Variants in NLRP4 observed in about 807,000 individuals in gnomAD.
The protein encoded by NLRP4 is NLR family pyrin domain containing 4.
Under a neutral mutation model 84.7 loss-of-function variants are expected in NLRP4, and 44 were observed. That is an observed-to-expected ratio of 0.52 (90% CI 0.41 to 0.67). The LOEUF (loss-of-function observed/expected upper bound fraction) is 0.67. Ranked by LOEUF, NLRP4 falls within the 30% of genes least tolerant of loss-of-function variation. NLRP4 has a pLI of 0.00. For missense variants in NLRP4, 1,260 were observed against 1,219.4 expected, an observed-to-expected ratio of 1.03 and a Z score of -0.50; for synonymous variants, 544 against 476.4, an observed-to-expected ratio of 1.14 and a Z score of -1.85.
intron 6 of NLRP4, among the ~76,000 whole-genome samples, chr19:55,868,953 C>T (rs76755085): frequency 0.032 from 4,924 of 152,138 alleles, 184 homozygotes; most frequent in Middle Eastern, 0.12. Flanking sequence ...GGGACAGGGA[C>T]AGGACTTAAC....
At chr19:55,860,438 G>A (rs186835952) in intron 3 of NLRP4, among the ~76,000 whole-genome samples, 61 of 152,196 alleles carry the variant, frequency 4.0e-4, no homozygotes, top group Admixed American at 3.3e-3. Context: ...TTAGCCAGGT[G>A]TGGTGGCATG....
chr19:55,836,967 C>T (rs1377985586), intron 1 of NLRP4, 33 bp downstream of exon 1: 1 of 152,180 alleles, frequency 6.6e-6, no homozygotes, highest in African/African-American at 2.4e-5. Flanking sequence ...AAAGGTGGGA[C>T]CCAAGCCCTC....
intron 8 of NLRP4, among the ~76,000 whole-genome samples, chr19:55,878,326 A>C (rs1477224329): frequency 6.6e-6 from 1 of 152,164 alleles, no homozygotes; most frequent in South Asian, 2.1e-4. Flanking sequence ...AGGCTGAGGC[A>C]GGAAAATTGC....
In NLRP4 at chr19:55,856,331, G is replaced by C. The variant is rs373190094; in HGVS notation, c.281-1343G>C. On this transcript the variant is annotated intron_variant, in intron 2 of 9. Coordinates refer to ENST00000301295, the MANE Select transcript of NLRP4 (RefSeq NM_134444.5). Reference sequence around the variant, plus strand: ...TGGAGACAAGCCTTCTGTTACAGAAGAGTCCAGCGTCTGTGTGTTCATGGA... The same window carrying C: ...TGGAGACAAGCCTTCTGTTACAGAACAGTCCAGCGTCTGTGTGTTCATGGA... Among the ~76,000 whole-genome samples the C allele has an allele frequency of 1.1e-4, 16 of 152,118 alleles. 1 individual carries two copies. In the South Asian group the frequency reaches 3.3e-3, roughly 32 times the overall value.
chr19:55,856,567 G>C (rs1984426982), intron 2 of NLRP4, among the ~76,000 whole-genome samples: 1 of 138,466 alleles, frequency 7.2e-6, no homozygotes, highest in Non-Finnish European at 1.5e-5. Flanking sequence ...CCACGTTAGA[G>C]TACAGCAGTG....
At chr19:55,849,151 A>T (rs541854786) in intron 1 of NLRP4, among the ~76,000 whole-genome samples, 1 of 152,294 alleles carries the variant, frequency 6.6e-6, no homozygotes, top group East Asian at 1.9e-4. Flanking sequence ...AAGGGGAAGA[A>T]TCCATCCATC....
chr19:55,873,547 G>A (rs1985266331), intron 7 of NLRP4, among the ~76,000 whole-genome samples: 1 of 152,072 alleles, frequency 6.6e-6, no homozygotes, highest in African/African-American at 2.4e-5. Flanking sequence ...ATTAAAACGT[G>A]AGGTTGTGGT....
Position 55,870,827 on chromosome 19 carries a change from G to A in NLRP4, c.2355G>A (p.Met785Ile), listed in dbSNP as rs888703763. The A allele has an allele frequency of 1.2e-6, 2 of 1,612,740 alleles. No homozygotes were observed. The highest frequency in any genetic ancestry group is 2.2e-5 in the East Asian group (1 of 44,864). The change falls in exon 7 of 10, where the codon ATG becomes ATA. Residue 785 changes from methionine (M) to isoleucine (I), a missense_variant and splice_region_variant. This residue lies in a region of NLRP4 where 544 missense variants were observed against 531.7 expected (regional missense o/e 1.02). Transcript: ENST00000301295. ...CSPDTVLVYL[M>I]LAFCHLSEQC... ...CCTTCTCGTGTTTTTGTCCCCATAGGTTGGCTTTCTGCCACCTCAGCGAGC... is the reference window on the plus strand; with the variant it reads ...CCTTCTCGTGTTTTTGTCCCCATAGATTGGCTTTCTGCCACCTCAGCGAGC...
chr19:55,839,702 T>C (rs1189208670), intron 1 of NLRP4, among the ~76,000 whole-genome samples: 1 of 152,196 alleles, frequency 6.6e-6, no homozygotes, highest in Non-Finnish European at 1.5e-5. Context: ...GGTTATCCAG[T>C]TTGTATTTTC....
intron 1 of NLRP4, among the ~76,000 whole-genome samples, chr19:55,844,277 CCTTT>C (rs1363590340): frequency 6.6e-6 from 1 of 151,804 alleles, no homozygotes. Flanking sequence ...CAGATTTTCC[CCTTT>C]CTTTTTTCTT....
At position 55,858,642 on chromosome 19, in the gene NLRP4, G is replaced by A. The variant is rs1984571857; in HGVS notation, c.1249G>A (p.Asp417Asn). Residue 417 changes from aspartate to asparagine, a missense_variant, in exon 3 of 10, where the codon GAC (aspartate) becomes AAC (asparagine). Physicochemically the swap from Asp to Asn is conservative, Grantham distance 23 (BLOSUM62 1). This residue lies in a region of NLRP4 where 712 missense variants were observed against 669.2 expected (regional missense o/e 1.06). Coordinates refer to ENST00000301295, the MANE Select transcript of NLRP4 (RefSeq NM_134444.5). This position sits in a 1 kb window ranked among gnomAD's most constrained non-coding sequence, Gnocchi z 4.2. Reference protein sequence around the residue: ...MWTDTFEFCEDDLRRNGVVDA... With the variant: ...MWTDTFEFCENDLRRNGVVDA... ...GACAGACACATTTGAGTTTTGTGAA[G>A]ACGACCTCCGGAGAAATGGGGTTGT... The A allele has an allele frequency of 6.2e-7, 1 of 1,614,196 alleles. No individual in the cohort carries two copies. Among genetic ancestry groups the A allele is most frequent in the Non-Finnish European group, 8.5e-7 (1 of 1,180,024 alleles).
rs1393253181 is a variant in NLRP4, at chr19:55,859,947, AAAAAAC to A, written c.1856+703_1856+708del. Among the ~76,000 whole-genome samples, 1,062 of 120,800 alleles carry A rather than the reference AAAAAAC, an allele frequency of 8.8e-3. 80 individuals carry two copies. Among genetic ancestry groups the A allele is most frequent in the East Asian group, 0.035 (151 of 4,296 alleles). The allele number at this position is 120,800 out of a possible 152,430, so 79.2% of individuals were successfully genotyped here. A position where few individuals can be genotyped will look rare whatever the true frequency, so the allele number is the denominator to read the frequency against. On this transcript the variant is annotated intron_variant, in intron 3 of 9. Transcript: ENST00000301295. ...TCTCCAAAAAAAAAAAAAAAAAAAAAAAAAACAAAACACAAATCATACAAATTTTCT... is the reference window on the plus strand; with the variant it reads ...TCTCCAAAAAAAAAAAAAAAAAAAAAAAAACACAAATCATACAAATTTTCT...
intron 5 of NLRP4, among the ~76,000 whole-genome samples, chr19:55,866,119 C>T (rs372258805): frequency 5.3e-5 from 8 of 152,072 alleles, no homozygotes; most frequent in East Asian, 3.9e-4. Context: ...CTAAAACCTC[C>T]GCCTCCTGGG....
intron 1 of NLRP4, among the ~76,000 whole-genome samples, chr19:55,842,032 G>A (rs1415361912): frequency 1.3e-5 from 2 of 152,178 alleles, no homozygotes; most frequent in African/African-American, 2.4e-5. Flanking sequence ...TAGTGGTTCT[G>A]CTAACTTACA....
intron 8 of NLRP4, among the ~76,000 whole-genome samples, chr19:55,878,592 C>T (rs302452): frequency 0.19 from 28,361 of 152,148 alleles, 3,322 homozygotes; most frequent in Non-Finnish European, 0.27. Flanking sequence ...TTGCTGTGGG[C>T]AGGGATACAG....
At chr19:55,849,990 C>T (rs1983985199) in intron 1 of NLRP4, among the ~76,000 whole-genome samples, 21 of 26,792 alleles carry the variant, frequency 7.8e-4, no homozygotes, top group South Asian at 1.3e-3. Flanking sequence ...GTGTAATTTC[C>T]GAGACTGCGG....
At chr19:55,839,184 G>A (rs949607798) in intron 1 of NLRP4, among the ~76,000 whole-genome samples, 8 of 151,804 alleles carry the variant, frequency 5.3e-5, no homozygotes, top group African/African-American at 1.4e-4. Context: ...GTGTCCGTTT[G>A]TGTTCTTATT....
At chr19:55,875,941 G>T (rs1985351283) in intron 7 of NLRP4, among the ~76,000 whole-genome samples, 1 of 152,136 alleles carries the variant, frequency 6.6e-6, no homozygotes, top group African/African-American at 2.4e-5. Context: ...GGAGGCTGAG[G>T]CAGGAGAATC....
At chr19:55,867,933 G>C in intron 6 of NLRP4, 57 bp downstream of exon 6, 1 of 1,500,564 alleles carries the variant, frequency 6.7e-7, no homozygotes, top group Non-Finnish European at 9.2e-7. Flanking sequence ...TTCAAACCTG[G>C]GCCTATTGAT....
Sources: gnomAD v4.1 joint callset for allele counts (sites outside exome capture counted in the v4.1 genomes callset) on GRCh38, gnomAD v4.1.1 for gene constraint, gnomAD v4.1.1 regional missense constraint, Gnocchi (gnomAD v3.1) non-coding constraint, MANE v1.5 for transcripts, NCBI Gene and HGNC (gene_info 2026-07-23, HGNC 2026-07-21) for gene names.